Variants in MYT1L observed in about 807,000 individuals in gnomAD.
MYT1L encodes the protein myelin transcription factor 1 like.
Under a neutral mutation model 126.7 loss-of-function variants are expected in MYT1L, and 12 were observed. That is an observed-to-expected ratio of 0.09 (90% CI 0.06 to 0.15). The LOEUF (loss-of-function observed/expected upper bound fraction) is 0.15, where lower values mean the gene tolerates loss of function less well. Ranked by LOEUF, MYT1L falls within the 10% of genes least tolerant of loss-of-function variation. The pLI is 1.00. For synonymous variants in MYT1L, 541 were observed against 604.2 expected, an observed-to-expected ratio of 0.90 and a Z score of 1.53; for missense variants, 979 against 1,585.2, an observed-to-expected ratio of 0.62 and a Z score of 6.49.
intron 8 of MYT1L, among the ~76,000 whole-genome samples, chr2:1,952,810 T>C (rs1573923227): frequency 1.6e-5 from 1 of 64,178 alleles, no homozygotes; most frequent in Non-Finnish European, 2.8e-5. Flanking sequence ...TCTCCCTCCC[T>C]CCCTTCCTCT....
chr2:1,818,080 G>GAGCT (rs1485257734), intron 21 of MYT1L, among the ~76,000 whole-genome samples: 1 of 152,218 alleles, frequency 6.6e-6, no homozygotes, highest in Admixed American at 6.5e-5. Context: ...GCTCCGGGAG[G>GAGCT]CCCTGACATT....
At chr2:2,018,054 G>C (rs974728765) in intron 4 of MYT1L, among the ~76,000 whole-genome samples, 1 of 152,034 alleles carries the variant, frequency 6.6e-6, no homozygotes, top group African/African-American at 2.4e-5. Context: ...ACGCACACAC[G>C]TACATAATTG....
At chr2:1,953,360 C>G (rs544722139) in intron 8 of MYT1L, among the ~76,000 whole-genome samples, 17 of 152,284 alleles carry the variant, frequency 1.1e-4, no homozygotes, top group African/African-American at 4.1e-4. Flanking sequence ...ACAACTGTTG[C>G]CCATTTTCCA....
chr2:2,294,562 C>T (rs751550121), intron 1 of MYT1L, among the ~76,000 whole-genome samples: 39 of 151,950 alleles, frequency 2.6e-4, no homozygotes, highest in Non-Finnish European at 4.6e-4. Flanking sequence ...GAGATATGAA[C>T]GGAAGGAGGA....
Position 2,148,101 on chromosome 2 carries a change from C to G in MYT1L, c.-304+24771G>C, listed in dbSNP as rs143346843. On this transcript the variant is annotated intron_variant, in intron 3 of 24. Transcript: ENST00000647738. The stretch of plus-strand genomic sequence containing the variant: ...CACACCTCTCATCCTCCAGGGCTCA[C>G]CAGTTCCATTTCCCTGGTGCCCGCA... Among the ~76,000 whole-genome samples the G allele has an allele frequency of 1.1e-4, 17 of 152,258 alleles. No individual in the cohort carries two copies. The East Asian group carries it at 3.3e-3, about 30-fold the overall frequency.
chr2:2,010,927 C>T lies in MYT1L; in HGVS notation c.-157-13580G>A, dbSNP rs75664868. ...GGCTAGTCAAAGGGGAGAGAATCAT[C>T]TTTTTAACCAACCGGATATCCCCAT... On this transcript the variant is annotated intron_variant, in intron 4 of 24. Coordinates refer to ENST00000647738, the MANE Select transcript of MYT1L (RefSeq NM_001303052.2). Among the ~76,000 whole-genome samples the T allele has an allele frequency of 9.4e-3, 1,435 of 152,274 alleles. 36 individuals are homozygous for T. Among genetic ancestry groups the T allele is most frequent in the African/African-American group, 0.032 (1,344 of 41,548 alleles).
At chr2:2,273,891 C>A (rs1293722712) in intron 2 of MYT1L, among the ~76,000 whole-genome samples, 2 of 152,142 alleles carry the variant, frequency 1.3e-5, no homozygotes, top group Admixed American at 1.3e-4. Context: ...AATTCACATT[C>A]TTCTTGGTAT....
chr2:2,087,595 A>G (rs2076484138), intron 3 of MYT1L, among the ~76,000 whole-genome samples: 1 of 152,210 alleles, frequency 6.6e-6, no homozygotes, highest in South Asian at 2.1e-4. Flanking sequence ...AAAGTATTTT[A>G]GAATCTGTTA....
chr2:1,938,392 T>G (rs1026652578), intron 9 of MYT1L, among the ~76,000 whole-genome samples: 3 of 152,232 alleles, frequency 2.0e-5, no homozygotes, highest in Admixed American at 6.5e-5. Context: ...CTTTCTTAAC[T>G]TTAGGATAAC....
At chr2:2,154,214 C>T (rs2086326390) in intron 3 of MYT1L, among the ~76,000 whole-genome samples, 1 of 152,182 alleles carries the variant, frequency 6.6e-6, no homozygotes, top group African/African-American at 2.4e-5. Flanking sequence ...ACCCTCCTAA[C>T]TCATAGGTTT....
At chr2:1,808,639 A>G (rs1422988205) in intron 22 of MYT1L, among the ~76,000 whole-genome samples, 1 of 152,182 alleles carries the variant, frequency 6.6e-6, no homozygotes, top group Non-Finnish European at 1.5e-5. Flanking sequence ...TTGCAGGTGG[A>G]ATCAAGAAAA....
At chr2:2,306,318 A>G (rs1049887016) in intron 1 of MYT1L, among the ~76,000 whole-genome samples, 2 of 152,138 alleles carry the variant, frequency 1.3e-5, no homozygotes, top group Non-Finnish European at 2.9e-5. Context: ...ATGCACAACT[A>G]TTGTTTTTTA....
chr2:2,155,648 A>G lies in MYT1L; in HGVS notation c.-304+17224T>C, dbSNP rs542130698. On this transcript the variant is annotated intron_variant, in intron 3 of 24. Coordinates refer to ENST00000647738, the MANE Select transcript of MYT1L (RefSeq NM_001303052.2). ...ATGTTGCCTTCAATTTACAAGCTTT[A>G]TTGCATGCTAAATGGGATGCCCCAG... Among the ~76,000 whole-genome samples the G allele has an allele frequency of 1.1e-3, 175 of 152,288 alleles. 1 individual carries two copies. The highest frequency in any genetic ancestry group is 3.6e-3 in the African/African-American group (148 of 41,564).
In MYT1L at chr2:2,224,356, T is replaced by C. The variant is rs571472861; in HGVS notation, c.-420-51368A>G. On this transcript the variant is annotated intron_variant, in intron 2 of 24. Coordinates refer to ENST00000647738, the MANE Select transcript of MYT1L (RefSeq NM_001303052.2). The surrounding 1 kb of genome is among the most constrained non-coding windows in gnomAD (Gnocchi z 4.0). ...GCAGACAGCAAAGGAAGAAGGTCCATGGGCTCAGTGTCCCTCAAAACTAAC... is the reference window on the plus strand; with the variant it reads ...GCAGACAGCAAAGGAAGAAGGTCCACGGGCTCAGTGTCCCTCAAAACTAAC... 6.6e-6 allele frequency among the ~76,000 whole-genome samples: 1 copy of C among 152,102 alleles called. No individual in the cohort carries two copies. Among genetic ancestry groups the C allele is most frequent in the Non-Finnish European group, 1.5e-5 (1 of 68,020 alleles).
chr2:2,107,220 C>T (rs947046438), intron 3 of MYT1L, among the ~76,000 whole-genome samples: 3 of 152,190 alleles, frequency 2.0e-5, no homozygotes, highest in East Asian at 1.9e-4. Flanking sequence ...AAGACCATCA[C>T]CATGAAGCCC....
chr2:1,830,103 G>C (rs1308787710), intron 21 of MYT1L, among the ~76,000 whole-genome samples: 1 of 152,190 alleles, frequency 6.6e-6, no homozygotes, highest in African/African-American at 2.4e-5. Context: ...GTATCGGGTA[G>C]AAAGAGAAGG....
intron 19 of MYT1L, among the ~76,000 whole-genome samples, chr2:1,847,444 G>A (rs1009668773): frequency 3.3e-5 from 5 of 152,126 alleles, no homozygotes; most frequent in African/African-American, 1.2e-4. Context: ...AGCTCTTGCT[G>A]CTTGCCTGAT....
chr2:2,022,299 C>T (rs1039905375), intron 4 of MYT1L, among the ~76,000 whole-genome samples: 6 of 152,246 alleles, frequency 3.9e-5, no homozygotes, highest in South Asian at 2.1e-4. Context: ...CAGAGAGCTC[C>T]GGTACCCACC....
At chr2:2,133,768 G>C (rs747079357) in intron 3 of MYT1L, among the ~76,000 whole-genome samples, 11 of 152,144 alleles carry the variant, frequency 7.2e-5, no homozygotes, top group Admixed American at 3.3e-4. Context: ...AAAGGGAAAT[G>C]TTTGCAGTGA....
Sources: allele counts gnomAD v4.1 joint callset (sites outside exome capture counted in the v4.1 genomes callset), GRCh38; gene constraint gnomAD v4.1.1; non-coding constraint Gnocchi (gnomAD v3.1); transcripts MANE v1.5; gene names NCBI Gene and HGNC (gene_info 2026-07-23, HGNC 2026-07-21).